The following CELF1 variants were observed in gnomAD, a reference collection of about 807,000 sequenced individuals.
CELF1 encodes 50 kDa nuclear polyadenylated RNA-binding protein.
CELF1 carries 10 observed loss-of-function variants against 61.8 expected under a neutral mutation model. That is an observed-to-expected ratio of 0.16 (90% CI 0.10 to 0.27). The LOEUF (loss-of-function observed/expected upper bound fraction) is 0.27, where lower values mean the gene tolerates loss of function less well. Among genes scored for constraint, CELF1 ranks in the 10% least tolerant of loss-of-function variants. The pLI is 1.00. For synonymous variants in CELF1, 236 were observed against 225.1 expected (o/e 1.05, Z -0.43); for missense variants, 380 against 639.1 (o/e 0.59, Z 4.37).
In CELF1 at chr11:47,513,419, T is replaced by C. The variant is rs2095351286; in HGVS notation, c.-153-12487A>G. 2.0e-5 allele frequency among the ~76,000 whole-genome samples: 3 copies of C among 151,694 alleles called. No individual in the cohort carries two copies. The South Asian group carries it at 6.2e-4, about 31-fold the overall frequency. ...CTAGTTTTTTGGGGGTTTTCCCCCC[T>C]GAAATTGCAGGTACTGTAAAAGCAA... On this transcript the variant is annotated intron_variant, in intron 1 of 14. Coordinates refer to ENST00000687097, the MANE Select transcript of CELF1 (RefSeq NM_001376376.1).
intron 1 of CELF1, among the ~76,000 whole-genome samples, chr11:47,509,826 A>G (rs957434490): frequency 6.6e-6 from 1 of 151,900 alleles, no homozygotes; most frequent in African/African-American, 2.4e-5. Context: ...CAGGAATTCA[A>G]GACCAGTCTG....
intron 3 of CELF1, among the ~76,000 whole-genome samples, chr11:47,496,634 C>G (rs2093154881): frequency 6.6e-6 from 1 of 151,946 alleles, no homozygotes. Context: ...GAGTAGGCAA[C>G]TAGAAAAAGT....
chr11:47,534,991 A>G (rs1421596711), intron 1 of CELF1, among the ~76,000 whole-genome samples: 2 of 152,300 alleles, frequency 1.3e-5, no homozygotes, highest in Non-Finnish European at 2.9e-5. Flanking sequence ...ATTAGAAAAA[A>G]AAAAATTTTT....
At chr11:47,558,639 G>A (rs1238489085) in intron 2 of CELF1, among the ~76,000 whole-genome samples, 1 of 95,512 alleles carries the variant, frequency 1.0e-5, no homozygotes, top group Non-Finnish European at 1.9e-5. Context: ...AATATAATGT[G>A]TAATATATTA....
At chr11:47,558,514 A>AT (rs2097212865) in intron 2 of CELF1, among the ~76,000 whole-genome samples, 2 of 116,558 alleles carry the variant, frequency 1.7e-5, no homozygotes, top group Non-Finnish European at 3.3e-5. Flanking sequence ...TTATATAAAT[A>AT]ATATATGTAT....
At chr11:47,546,550 C>G (rs2096956844) in intron 1 of CELF1, among the ~76,000 whole-genome samples, 1 of 152,100 alleles carries the variant, frequency 6.6e-6, no homozygotes, top group Non-Finnish European at 1.5e-5. Context: ...CACACTAGAA[C>G]AAACTGAGAG....
chr11:47,526,359 G>A (rs1225254670), intron 1 of CELF1, among the ~76,000 whole-genome samples: 1 of 152,168 alleles, frequency 6.6e-6, no homozygotes, highest in Non-Finnish European at 1.5e-5. Flanking sequence ...TATCTTAAAT[G>A]TGAAGAATAC....
intron 2 of CELF1, among the ~76,000 whole-genome samples, chr11:47,560,940 C>T (rs994125890): frequency 1.3e-5 from 2 of 151,976 alleles, no homozygotes; most frequent in African/African-American, 4.8e-5. Context: ...AGATCGAGAC[C>T]ATCCTGGCTA....
At position 47,533,655 on chromosome 11, in the gene CELF1, C is replaced by CATACATAT. The variant is rs1346415692; in HGVS notation, c.-154+19336_-154+19337insATATGTAT. ...AAATAAATACATACATACATACATACATAAATTAGCTGAGCATGGTGGCGG... is the reference window on the plus strand; with the variant it reads ...AAATAAATACATACATACATACATACATACATATATAAATTAGCTGAGCATGGTGGCGG... On this transcript the variant is annotated intron_variant, in intron 1 of 14. Transcript: ENST00000687097. Among the ~76,000 whole-genome samples, 6 of 151,008 alleles carry CATACATAT rather than the reference C, an allele frequency of 4.0e-5. No homozygotes were observed. In the Admixed American group the frequency reaches 4.0e-4, roughly 10 times the overall value.
intron 1 of CELF1, among the ~76,000 whole-genome samples, chr11:47,549,415 C>T (rs1182619660): frequency 6.6e-6 from 1 of 152,126 alleles, no homozygotes; most frequent in Non-Finnish European, 1.5e-5. Flanking sequence ...GAGGTAGCTG[C>T]AACCCAAAAG....
chr11:47,489,935 G>GTCTTTTTTTTTTTTTTTTTTT (rs2090198065), intron 3 of CELF1, among the ~76,000 whole-genome samples: 1 of 48,226 alleles, frequency 2.1e-5, no homozygotes. Context: ...ATACCATCTT[G>GTCTTTTTTTTTTTTTTTTTTT]TTTTTTTTTT....
intron 12 of CELF1, among the ~76,000 whole-genome samples, chr11:47,476,026 G>A (rs2079932453): frequency 6.7e-6 from 1 of 148,544 alleles, no homozygotes; most frequent in African/African-American, 2.5e-5. Flanking sequence ...TGGAGACAGA[G>A]TCTCACTCTG....
chr11:47,536,383 T>TA (rs1348222626), intron 1 of CELF1, among the ~76,000 whole-genome samples: 6 of 152,098 alleles, frequency 3.9e-5, no homozygotes, highest in Non-Finnish European at 8.8e-5. Flanking sequence ...GATAGATAGA[T>TA]AGACAGACTG....
intron 1 of CELF1, among the ~76,000 whole-genome samples, chr11:47,546,249 T>C (rs1459796252): frequency 6.8e-6 from 1 of 146,076 alleles, no homozygotes; most frequent in East Asian, 2.0e-4. Flanking sequence ...TTTTTTTTTT[T>C]TTTTGGGCGG....
intron 1 of CELF1, among the ~76,000 whole-genome samples, chr11:47,538,396 C>A (rs1391536951): frequency 1.3e-5 from 2 of 152,192 alleles, no homozygotes; most frequent in African/African-American, 4.8e-5. Flanking sequence ...CTAATCCCAG[C>A]ACTTTGGGAG....
At chr11:47,519,512 TAA>T (rs2095754206) in intron 1 of CELF1, among the ~76,000 whole-genome samples, 1 of 150,552 alleles carries the variant, frequency 6.6e-6, no homozygotes, top group African/African-American at 2.4e-5. Flanking sequence ...AATAAATAAA[TAA>T]ATAAATAAAT....
intron 1 of CELF1, among the ~76,000 whole-genome samples, chr11:47,501,474 T>C (rs758103134): frequency 8.5e-5 from 13 of 152,176 alleles, no homozygotes; most frequent in Non-Finnish European, 1.3e-4. Flanking sequence ...TTAGATCTTT[T>C]AGTGCAAGAA....
At chr11:47,549,353 TGG>T (rs2097072892) in intron 1 of CELF1, among the ~76,000 whole-genome samples, 1 of 152,202 alleles carries the variant, frequency 6.6e-6, no homozygotes, top group Admixed American at 6.6e-5. Context: ...TTCCAGAGGC[TGG>T]AATACCTATT....
In CELF1 at chr11:47,475,454, C is replaced by T; in HGVS notation, c.1155G>A (p.Glu385=). The T allele has an allele frequency of 1.9e-6, 3 of 1,614,098 alleles. No homozygotes were observed. The highest frequency in any genetic ancestry group is 1.7e-6 in the Non-Finnish European group (2 of 1,180,056). ...GLSNGTGSTM[E]ALTQAYSGIQ... ...TACCCGAGTAGGCCTGAGTGAGGGC[C>T]TCCATGGTGCTCCCGGTGCCATTGG... The change falls in exon 13 of 15, where the codon GAG becomes GAA. Residue 385 remains glutamate (E), a synonymous_variant. Transcript: ENST00000687097.
Sources: gnomAD v4.1 joint callset for allele counts (sites outside exome capture counted in the v4.1 genomes callset) on GRCh38, gnomAD v4.1.1 for gene constraint, MANE v1.5 for transcripts, NCBI Gene and HGNC (gene_info 2026-07-23, HGNC 2026-07-21) for gene names.